The following DZIP3 variants were observed in gnomAD, a reference collection of about 807,000 sequenced individuals.
The protein encoded by DZIP3 is E3 ubiquitin-protein ligase DZIP3.
In DZIP3, 118 loss-of-function variants were observed where a neutral mutation model predicts 162.0. The observed-to-expected ratio is 0.73, with a 90% CI of 0.63 to 0.85. DZIP3 has a LOEUF of 0.85. Ranked by LOEUF, DZIP3 falls within the 40% of genes least tolerant of loss-of-function variation. The pLI, the probability that DZIP3 is intolerant of heterozygous loss-of-function variation, is 0.00. For missense variants in DZIP3, 1,331 were observed against 1,407.0 expected, an observed-to-expected ratio of 0.95 and a Z score of 0.86; for synonymous variants, 438 against 458.6, an observed-to-expected ratio of 0.96 and a Z score of 0.57.
At position 108,637,555 on chromosome 3, in the gene DZIP3, TTAAAA is replaced by T. The variant is rs775200983; in HGVS notation, c.1064+15_1064+19del. The T allele has an allele frequency of 4.4e-6, 7 of 1,606,806 alleles. No homozygotes were observed. In the South Asian group the frequency reaches 6.7e-5, roughly 15 times the overall value. The stretch of plus-strand genomic sequence containing the variant: ...TTGAAAATTTAGGAGCAAGGTAAGC[TTAAAA>T]TAAAATACTCTGTTACCTTTTTTGG... On this transcript the variant is annotated splice_region_variant and intron_variant, in intron 12 of 32. Coordinates refer to ENST00000361582, the MANE Select transcript of DZIP3 (RefSeq NM_014648.4).
At chr3:108,661,332 T>G (rs1230611636) in intron 19 of DZIP3, among the ~76,000 whole-genome samples, 2 of 152,088 alleles carry the variant, frequency 1.3e-5, no homozygotes, top group African/African-American at 2.4e-5. Flanking sequence ...CATGTCCTTT[T>G]TAGGGACATG....
At chr3:108,644,086 T>A (rs1376377584) in intron 13 of DZIP3, 78 bp from the exon 14 acceptor site, 4 of 1,474,282 alleles carry the variant, frequency 2.7e-6, no homozygotes, top group Non-Finnish European at 3.6e-6. Flanking sequence ...CTACAGGAGC[T>A]TAGGATACAA....
intron 1 of DZIP3, among the ~76,000 whole-genome samples, chr3:108,603,599 G>A (rs1940155849): frequency 6.6e-6 from 1 of 152,080 alleles, no homozygotes; most frequent in African/African-American, 2.4e-5. Flanking sequence ...GTTTTTGTTG[G>A]GGATGAGCAA....
chr3:108,637,642 G>A lies in DZIP3; in HGVS notation c.1064+94G>A, dbSNP rs1462179083. On this transcript the variant is annotated intron_variant, in intron 12 of 32. Transcript: ENST00000361582. Reference sequence around the variant, plus strand: ...TTCTGTGTTTCTGTCACCTAATAGAGCTGCATTAAATTTTAAGGTATGTGA... The same window carrying A: ...TTCTGTGTTTCTGTCACCTAATAGAACTGCATTAAATTTTAAGGTATGTGA... The A allele has an allele frequency of 6.2e-6, 4 of 640,940 alleles. No individual in the cohort carries two copies. In the African/African-American group the frequency reaches 8.4e-5, roughly 13 times the overall value. 39.7% of individuals were successfully genotyped at this position (640,940 alleles called of 1,614,324 possible).
At chr3:108,638,642 C>A (rs1280725480) in intron 12 of DZIP3, among the ~76,000 whole-genome samples, 1 of 152,090 alleles carries the variant, frequency 6.6e-6, no homozygotes, top group Non-Finnish European at 1.5e-5. Context: ...ATATAAATTT[C>A]TTCCTATTTC....
At chr3:108,638,930 CTT>C (rs1244804561) in intron 12 of DZIP3, among the ~76,000 whole-genome samples, 1 of 152,222 alleles carries the variant, frequency 6.6e-6, no homozygotes, top group African/African-American at 2.4e-5. Flanking sequence ...CGTGCCATCT[CTT>C]GTCACTGTAC....
In DZIP3 at chr3:108,644,049, C is replaced by T. The variant is rs1007660974; in HGVS notation, c.1142-115C>T. 1.4e-5 allele frequency: 19 copies of T among 1,311,894 alleles called. No individual in the cohort carries two copies. In the Admixed American group the frequency reaches 1.8e-4, roughly 12 times the overall value. The allele number at this position is 1,311,894 out of a possible 1,614,324, so 81.3% of individuals were successfully genotyped here. On this transcript the variant is annotated intron_variant, in intron 13 of 32. Transcript: ENST00000361582. ...GGCTGTGGCAAAGCACTGTACTATC[C>T]TTCATTCTTTTGGAATAGTTTTTAT...
At chr3:108,677,670 A>G in intron 26 of DZIP3, 72 bp downstream of exon 26, 5 of 1,279,546 alleles carry the variant, frequency 3.9e-6, no homozygotes, top group Non-Finnish European at 5.7e-6. Flanking sequence ...GAAACACTGA[A>G]TATGCAGTAT....
At chr3:108,642,977 T>C (rs1942465221) in intron 13 of DZIP3, among the ~76,000 whole-genome samples, 2 of 152,154 alleles carry the variant, frequency 1.3e-5, no homozygotes, top group African/African-American at 4.8e-5. Context: ...CTGGAGGCCT[T>C]AATTAAGGGA....
chr3:108,594,632 C>G (rs950128385), intron 1 of DZIP3, among the ~76,000 whole-genome samples: 4 of 151,856 alleles, frequency 2.6e-5, no homozygotes, highest in African/African-American at 4.8e-5. Context: ...GTGTGTTGTT[C>G]CCCTGTATGT....
intron 21 of DZIP3, among the ~76,000 whole-genome samples, chr3:108,664,838 A>G (rs902683081): frequency 2.0e-5 from 3 of 152,004 alleles, no homozygotes; most frequent in African/African-American, 7.2e-5. Flanking sequence ...CTCCACTTTC[A>G]TGGGAAGGTG....
chr3:108,607,551 C>T (rs1005027346), intron 2 of DZIP3, among the ~76,000 whole-genome samples: 3 of 152,106 alleles, frequency 2.0e-5, no homozygotes, highest in Non-Finnish European at 2.9e-5. Flanking sequence ...GCAGTGTGTT[C>T]ACATTTTGAG....
chr3:108,629,699 G>C (rs1941742057), intron 8 of DZIP3, among the ~76,000 whole-genome samples: 1 of 151,622 alleles, frequency 6.6e-6, no homozygotes, highest in Non-Finnish European at 1.5e-5. Context: ...ACACTTATTT[G>C]TACTCTGGAA....
In DZIP3 at chr3:108,663,976, G is replaced by T. The variant is rs187269709; in HGVS notation, c.2423+1719G>T. ...AAATTACATAAAACAGAGACTTCCA[G>T]GTCCACCAAAATGTATAGTCCTATT... On this transcript the variant is annotated intron_variant, in intron 21 of 32. Transcript: ENST00000361582. Among the ~76,000 whole-genome samples the T allele has an allele frequency of 2.5e-3, 376 of 152,262 alleles. 2 individuals are homozygous for T. The highest frequency in any genetic ancestry group is 8.6e-3 in the African/African-American group (356 of 41,552).
rs148358744 is a variant in DZIP3 at position 108,654,195 on chromosome 3, C to T, written c.2084C>T (p.Pro695Leu). Residue 695 changes from proline (P) to leucine (L), a missense_variant, in exon 19 of 33, where the codon CCA (proline) becomes CTA (leucine). This residue lies in a region of DZIP3 where 1,278 missense variants were observed against 1,317.1 expected (regional missense o/e 0.97). Coordinates refer to ENST00000361582, the MANE Select transcript of DZIP3 (RefSeq NM_014648.4). ...CAGTTGAGGAAAGAACAAGCAAATC[C>T]ACACTCAGTCAGTAGACTTATAAAA... ...EEQLRKEQANPHSVSRLIKDD... is the reference protein window; with the variant it reads ...EEQLRKEQANLHSVSRLIKDD... 3.7e-6 allele frequency: 6 copies of T among 1,613,550 alleles called. No homozygotes were observed. The African/African-American group carries it at 5.3e-5, about 14-fold the overall frequency.
At chr3:108,632,913 T>C (rs1941953401) in intron 8 of DZIP3, 40 bp from the exon 9 acceptor site, 1 of 1,172,608 alleles carries the variant, frequency 8.5e-7, no homozygotes, top group Non-Finnish European at 1.1e-6. Context: ...TAATTTATTA[T>C]TAGTAATTCA....
intron 5 of DZIP3, among the ~76,000 whole-genome samples, chr3:108,623,512 G>A (rs1941461924): frequency 6.6e-6 from 1 of 152,168 alleles, no homozygotes; most frequent in South Asian, 2.1e-4. Flanking sequence ...CGATATTCAA[G>A]TGGCAAGGCA....
chr3:108,671,831 A>G (rs577963019), intron 22 of DZIP3, among the ~76,000 whole-genome samples: 1 of 152,128 alleles, frequency 6.6e-6, no homozygotes, highest in Non-Finnish European at 1.5e-5. Context: ...TGAGGTAAGT[A>G]GTACCGTTTT....
At chr3:108,624,417 C>G (rs1941502009) in intron 5 of DZIP3, 27 bp from the exon 6 acceptor site, 1 of 1,318,126 alleles carries the variant, frequency 7.6e-7, no homozygotes, top group South Asian at 1.2e-5. Flanking sequence ...GTCTAAATAA[C>G]CAATTAACAT....
Sources: gnomAD v4.1 joint callset for allele counts (sites outside exome capture counted in the v4.1 genomes callset) on GRCh38, gnomAD v4.1.1 for gene constraint, gnomAD v4.1.1 regional missense constraint, MANE v1.5 for transcripts, NCBI Gene and HGNC (gene_info 2026-07-23, HGNC 2026-07-21) for gene names.